CCDC92: variants seen among roughly 807,000 people sequenced by gnomAD.
The protein encoded by CCDC92 is coiled-coil domain containing 92.
Under a neutral mutation model 24.9 loss-of-function variants are expected in CCDC92, and 12 were observed. That is an observed-to-expected ratio of 0.48 (90% confidence interval 0.31 to 0.78). The LOEUF (loss-of-function observed/expected upper bound fraction) is 0.78. Among genes scored for constraint, CCDC92 ranks in the 30% least tolerant of loss-of-function variants. The probability of loss-of-function intolerance (pLI) is 0.05; values close to 1 mark genes in which losing one functional copy is unlikely to be tolerated. For missense variants in CCDC92, 399 were observed against 439.4 expected (o/e 0.91, Z 0.82); for synonymous variants, 193 against 196.3 (o/e 0.98, Z 0.14).
At chr12:123,960,075 G>A (rs1196710547) in intron 1 of CCDC92, among the ~76,000 whole-genome samples, 1 of 152,196 alleles carries the variant, frequency 6.6e-6, no homozygotes. Flanking sequence ...CTAAAGGTAG[G>A]TCGCTTATTT....
intron 1 of CCDC92, among the ~76,000 whole-genome samples, chr12:123,965,552 G>A (rs570011428): frequency 2.6e-5 from 4 of 152,040 alleles, no homozygotes; most frequent in African/African-American, 9.7e-5. Context: ...GGCTGTTTTG[G>A]AAATATACTT....
intron 1 of CCDC92, among the ~76,000 whole-genome samples, chr12:123,949,800 G>A (rs768703024): frequency 5.3e-5 from 8 of 152,196 alleles, no homozygotes; most frequent in South Asian, 2.1e-4. Flanking sequence ...ATGGGGAAGC[G>A]CACTGCCGTC....
intron 1 of CCDC92, among the ~76,000 whole-genome samples, chr12:123,965,583 C>T (rs754200991): frequency 1.3e-5 from 2 of 152,060 alleles, no homozygotes; most frequent in African/African-American, 4.8e-5. Context: ...ATAACACGGT[C>T]AAGGTTATCT....
intron 1 of CCDC92, among the ~76,000 whole-genome samples, chr12:123,970,940 G>A (rs887399116): frequency 6.6e-6 from 1 of 152,300 alleles, no homozygotes; most frequent in East Asian, 1.9e-4. Context: ...AATTGGATAA[G>A]TTGAGATCAA....
chr12:123,938,996 T>A (rs1339057134), intron 4 of CCDC92, among the ~76,000 whole-genome samples: 1 of 152,226 alleles, frequency 6.6e-6, no homozygotes, highest in African/African-American at 2.4e-5. Flanking sequence ...ATTCTTGTCC[T>A]CTGTTCAAAA....
chr12:123,949,559 C>A (rs1215546808), intron 1 of CCDC92, among the ~76,000 whole-genome samples: 1 of 152,212 alleles, frequency 6.6e-6, no homozygotes, highest in African/African-American at 2.4e-5. Flanking sequence ...CACAGAACGC[C>A]AGCAGAAGCA....
intron 1 of CCDC92, among the ~76,000 whole-genome samples, chr12:123,955,397 AATC>A (rs1956126529): frequency 6.6e-6 from 1 of 152,198 alleles, no homozygotes; most frequent in Admixed American, 6.5e-5. Context: ...CCAAATGCCA[AATC>A]ATCATTCATC....
intron 1 of CCDC92, chr12:123,969,997 C>T (rs1956488010): frequency 1.3e-5 from 2 of 152,066 alleles, no homozygotes; most frequent in South Asian, 2.1e-4. Context: ...ACATTGAATT[C>T]GAGAGTGCTT....
At position 123,937,919 on chromosome 12, in the gene CCDC92, G is replaced by T; in HGVS notation, c.224-89C>A. ...TATGGGGCAGGCGGACCTGTCTGGT[G>T]GGGGCCCTGTCTAGGCTGTGGGGGC... is the stretch of plus-strand genomic sequence containing the variant. On this transcript the variant is annotated intron_variant, in intron 4 of 4. Transcript: ENST00000238156. The surrounding 1 kb of genome is among the most constrained non-coding windows in gnomAD (Gnocchi z 8.4). 7.3e-7 allele frequency: 1 copy of T among 1,361,126 alleles called. No individual in the cohort carries two copies. Among genetic ancestry groups the T allele is most frequent in the South Asian group, 1.4e-5 (1 of 72,552 alleles). 84.3% of individuals were successfully genotyped at this position (1,361,126 alleles called of 1,614,324 possible).
chr12:123,967,329 A>T (rs547683340), intron 1 of CCDC92, among the ~76,000 whole-genome samples: 5 of 152,218 alleles, frequency 3.3e-5, no homozygotes, highest in Non-Finnish European at 1.5e-5. Context: ...GCCAAACCTA[A>T]TAACTTCTGC....
At chr12:123,959,600 C>T (rs890079549) in intron 1 of CCDC92, among the ~76,000 whole-genome samples, 10 of 152,148 alleles carry the variant, frequency 6.6e-5, no homozygotes, top group Non-Finnish European at 1.2e-4. Flanking sequence ...CCACCGCATG[C>T]GGCCTTAGGT....
At chr12:123,957,149 T>G (rs1956166586) in intron 1 of CCDC92, among the ~76,000 whole-genome samples, 1 of 152,232 alleles carries the variant, frequency 6.6e-6, no homozygotes, top group Non-Finnish European at 1.5e-5. Context: ...CTTTTACAAA[T>G]AAGCACCCGA....
intron 1 of CCDC92, among the ~76,000 whole-genome samples, chr12:123,947,106 C>T (rs1955894196): frequency 6.6e-6 from 1 of 152,190 alleles, no homozygotes; most frequent in Non-Finnish European, 1.5e-5. Context: ...GCACCCAGGC[C>T]AGCAGCTGCA....
At chr12:123,941,606 A>G (rs1955686607) in intron 4 of CCDC92, among the ~76,000 whole-genome samples, 1 of 152,216 alleles carries the variant, frequency 6.6e-6, no homozygotes, top group South Asian at 2.1e-4. Flanking sequence ...GAAACCATAA[A>G]GAGCTTGTCA....
At chr12:123,957,504 G>A (rs746979374) in intron 1 of CCDC92, among the ~76,000 whole-genome samples, 12 of 152,134 alleles carry the variant, frequency 7.9e-5, no homozygotes, top group African/African-American at 2.4e-5. Context: ...GTAAAGGGTG[G>A]TAACAGCAAT....
rs937340391 is a variant in CCDC92, at chr12:123,937,688, G to A, written c.366C>T (p.Thr122=). The part of the protein sequence containing the change: ...KNAMITVLEN[T]IKEREKKYLE... ...GGTACTTCTTCTCTCGCTCCTTGAT[G>A]GTGTTCTCCAGCACTGTGATCATCG... The change falls in exon 5 of 5, where the codon ACC becomes ACT. Residue 122 remains threonine (T), a synonymous_variant. Transcript: ENST00000238156. The surrounding 1 kb of genome is among the most constrained non-coding windows in gnomAD (Gnocchi z 8.4). The A allele has an allele frequency of 2.5e-6, 4 of 1,613,954 alleles. No individual in the cohort carries two copies. The highest frequency in any genetic ancestry group is 1.1e-5 in the South Asian group (1 of 91,088).
chr12:123,944,487 G>T, intron 1 of CCDC92, 123 bp from the exon 2 acceptor site: 1 of 559,372 alleles, frequency 1.8e-6, no homozygotes, highest in Non-Finnish European at 3.0e-6. Flanking sequence ...ACTTCTCAAT[G>T]GCTCCCAGGA....
chr12:123,947,279 C>G (rs562611533), intron 1 of CCDC92, among the ~76,000 whole-genome samples: 1 of 152,154 alleles, frequency 6.6e-6, no homozygotes, highest in Non-Finnish European at 1.5e-5. Context: ...CGAGCCTCCC[C>G]GACCAGTGCC....
chr12:123,961,648 G>A (rs1184645533), intron 1 of CCDC92, among the ~76,000 whole-genome samples: 1 of 152,224 alleles, frequency 6.6e-6, no homozygotes, highest in African/African-American at 2.4e-5. Flanking sequence ...GTTTAGTCCG[G>A]CAGGGACGAT....
Sources: gnomAD v4.1 joint callset for allele counts (sites outside exome capture counted in the v4.1 genomes callset) on GRCh38, gnomAD v4.1.1 for gene constraint, Gnocchi (gnomAD v3.1) non-coding constraint, MANE v1.5 for transcripts, NCBI Gene and HGNC (gene_info 2026-07-23, HGNC 2026-07-21) for gene names.